COPS7B: variants seen among roughly 807,000 people sequenced by gnomAD.
COPS7B encodes the protein COP9 signalosome subunit 7B, also known as COP9 signalosome complex subunit 7b.
A neutral mutation model predicts 33.4 loss-of-function variants in COPS7B; 9 were observed. That is an observed-to-expected ratio of 0.27 (90% CI 0.16 to 0.47). The LOEUF is 0.47. Ranked by LOEUF, COPS7B falls within the 20% of genes least tolerant of loss-of-function variation. The pLI, the probability that COPS7B is intolerant of heterozygous loss-of-function variation, is 0.99. For missense variants in COPS7B, 242 were observed against 318.2 expected, an observed-to-expected ratio of 0.76 and a Z score of 1.82; for synonymous variants, 119 against 126.3, an observed-to-expected ratio of 0.94 and a Z score of 0.39.
In COPS7B at chr2:231,807,866, A is replaced by G. The variant is rs1002397080; in HGVS notation, c.*221A>G. The G allele has an allele frequency of 3.0e-5, 14 of 469,258 alleles. No homozygotes were observed. The highest frequency in any genetic ancestry group is 2.6e-4 in the East Asian group (7 of 27,120). 29.1% of individuals were successfully genotyped at this position (469,258 alleles called of 1,614,324 possible). ...CCCTTCAGACTCAGGGGCTCCACCA[A>G]TGCCATCCCAAAACAGGGTCAGACA... On this transcript the variant is annotated 3_prime_UTR_variant, in exon 7 of 7. Transcript: ENST00000350033.
chr2:231,805,360 G>A (rs1375848130), intron 6 of COPS7B, among the ~76,000 whole-genome samples: 2 of 150,446 alleles, frequency 1.3e-5, no homozygotes, highest in African/African-American at 4.9e-5. Flanking sequence ...ATTGTGTTTT[G>A]TTGTCTGGCA....
In COPS7B at chr2:231,807,811, C is replaced by A; in HGVS notation, c.*166C>A. On this transcript the variant is annotated 3_prime_UTR_variant, in exon 7 of 7. Coordinates refer to ENST00000350033, the MANE Select transcript of COPS7B (RefSeq NM_022730.4). ...CTGTTCCAGAAAAACTGTTACTCCC[C>A]CTCACCCACTCCCTCCTTCCCCAGT... is the stretch of plus-strand genomic sequence containing the variant. The A allele has an allele frequency of 1.7e-6, 1 of 595,026 alleles. No individual in the cohort carries two copies. Among genetic ancestry groups the A allele is most frequent in the Non-Finnish European group, 2.9e-6 (1 of 348,356 alleles). 36.9% of individuals were successfully genotyped at this position (595,026 alleles called of 1,614,324 possible).
chr2:231,806,612 C>T (rs2049902296), intron 6 of COPS7B, among the ~76,000 whole-genome samples: 1 of 152,004 alleles, frequency 6.6e-6, no homozygotes, highest in Admixed American at 6.6e-5. Context: ...ACTGTTCTTC[C>T]CTACCACCAC....
At chr2:231,797,465 C>G (rs1026629814) in intron 5 of COPS7B, among the ~76,000 whole-genome samples, 1 of 152,222 alleles carries the variant, frequency 6.6e-6, no homozygotes, top group Non-Finnish European at 1.5e-5. Flanking sequence ...CACACAAAAT[C>G]TAGTTTCTGA....
At chr2:231,803,968 G>A (rs1192634168) in intron 6 of COPS7B, among the ~76,000 whole-genome samples, 2 of 152,154 alleles carry the variant, frequency 1.3e-5, no homozygotes, top group Non-Finnish European at 2.9e-5. Flanking sequence ...TGGCTGGCAG[G>A]TCAGGGACTC....
In COPS7B at chr2:231,807,878, A is replaced by C; in HGVS notation, c.*233A>C. 2.2e-6 allele frequency: 1 copy of C among 454,268 alleles called. No homozygotes were observed. The allele number at this position is 454,268 out of a possible 1,614,324, so 28.1% of individuals were successfully genotyped here. On this transcript the variant is annotated 3_prime_UTR_variant, in exon 7 of 7. Coordinates refer to ENST00000350033, the MANE Select transcript of COPS7B (RefSeq NM_022730.4). ...AGGGGCTCCACCAATGCCATCCCAAAACAGGGTCAGACACTGCCCAGCTTC... is the reference window on the plus strand; with the variant it reads ...AGGGGCTCCACCAATGCCATCCCAACACAGGGTCAGACACTGCCCAGCTTC...
chr2:231,789,500 C>A, intron 2 of COPS7B: 1 of 153,238 alleles, frequency 6.5e-6, no homozygotes, highest in South Asian at 1.9e-4. Context: ...GGGCAGGTCC[C>A]CTTCCTCTTC....
At chr2:231,783,870 A>G (rs2049181408), upstream of COPS7B, among the ~76,000 whole-genome samples, 1 of 152,164 alleles carries the variant, frequency 6.6e-6, no homozygotes, top group African/African-American at 2.4e-5. Flanking sequence ...GCAAGTAGCT[A>G]TAGTAAGACT....
intron 3 of COPS7B, among the ~76,000 whole-genome samples, chr2:231,793,271 C>T (rs2049471599): frequency 6.6e-6 from 1 of 152,114 alleles, no homozygotes; most frequent in African/African-American, 2.4e-5. Flanking sequence ...TGTAACACTC[C>T]CAGAGGAATG....
intron 1 of COPS7B, 121 bp downstream of exon 1, chr2:231,786,659 G>A (rs2049253739): frequency 3.1e-6 from 1 of 326,776 alleles, no homozygotes; most frequent in Non-Finnish European, 4.4e-6. Flanking sequence ...CCCGCCTTGG[G>A]GAGCGCGTCC....
rs541712832 is a variant in COPS7B, at chr2:231,807,814, C to T, written c.*169C>T. The T allele has an allele frequency of 3.6e-5, 21 of 585,822 alleles. No homozygotes were observed. Among genetic ancestry groups the T allele is most frequent in the South Asian group, 1.3e-4 (6 of 44,506 alleles). 36.3% of individuals were successfully genotyped at this position (585,822 alleles called of 1,614,324 possible). A position where few individuals can be genotyped will look rare whatever the true frequency, so the allele number is the denominator to read the frequency against. ...TTCCAGAAAAACTGTTACTCCCCCT[C>T]ACCCACTCCCTCCTTCCCCAGTTGT... On this transcript the variant is annotated 3_prime_UTR_variant, in exon 7 of 7. Coordinates refer to ENST00000350033, the MANE Select transcript of COPS7B (RefSeq NM_022730.4).
At chr2:231,801,191 A>G (rs903184993) in intron 6 of COPS7B, 3 of 1,550,362 alleles carry the variant, frequency 1.9e-6, no homozygotes, top group Non-Finnish European at 1.7e-6. Flanking sequence ...GAATCTTATA[A>G]CAACAGCTTT....
chr2:231,798,766 T>G, intron 5 of COPS7B, 93 bp from the exon 6 acceptor site: 1 of 989,530 alleles, frequency 1.0e-6, no homozygotes. Context: ...CCCTGTAAGA[T>G]ACTGGGGAGA....
Position 231,788,690 on chromosome 2 carries a change from G to A in COPS7B, c.120G>A (p.Val40=), listed in dbSNP as rs2049322237. 3 of 1,614,200 alleles carry A rather than the reference G, an allele frequency of 1.9e-6. No individual in the cohort carries two copies. The highest frequency in any genetic ancestry group is 1.6e-4 in the Middle Eastern group (1 of 6,062). ...GCCAGGTCTTAGAGGCTCCCGGAGT[G>A]TATGTCTTTGGAGAACTTCTGGAGC... The part of the protein sequence containing the change: ...LISQVLEAPG[V]YVFGELLELA... The change falls in exon 2 of 7, where the codon GTG becomes GTA. Residue 40 remains valine, a synonymous_variant. Coordinates refer to ENST00000350033, the MANE Select transcript of COPS7B (RefSeq NM_022730.4).
intron 5 of COPS7B, among the ~76,000 whole-genome samples, chr2:231,797,493 G>A (rs143878561): frequency 6.6e-6 from 1 of 152,310 alleles, no homozygotes; most frequent in African/African-American, 2.4e-5. Flanking sequence ...AAAGTTGGCT[G>A]TCCTATTCTG....
intron 6 of COPS7B, chr2:231,801,064 T>C: frequency 8.3e-7 from 1 of 1,203,300 alleles, no homozygotes; most frequent in African/African-American, 1.5e-5. Flanking sequence ...TATGCCTCTG[T>C]TACCCTTGGC....
At chr2:231,797,230 C>T (rs1247050702) in intron 5 of COPS7B, among the ~76,000 whole-genome samples, 2 of 152,128 alleles carry the variant, frequency 1.3e-5, no homozygotes, top group Non-Finnish European at 2.9e-5. Flanking sequence ...AGCAGTGCCA[C>T]TTTGACTCCT....
At chr2:231,786,580 C>A (rs972479905) in intron 1 of COPS7B, 42 bp downstream of exon 1, 23 of 913,092 alleles carry the variant, frequency 2.5e-5, no homozygotes, top group Non-Finnish European at 3.0e-5. Flanking sequence ...GGCCGGCGCT[C>A]CAGGCTCGGC....
intron 3 of COPS7B, among the ~76,000 whole-genome samples, chr2:231,792,587 T>G (rs2049449254): frequency 6.6e-6 from 1 of 152,232 alleles, no homozygotes; most frequent in Non-Finnish European, 1.5e-5. Context: ...TTGTATTACA[T>G]AGGTACAACT....
Sources: gnomAD v4.1 joint callset for allele counts (sites outside exome capture counted in the v4.1 genomes callset) on GRCh38, gnomAD v4.1.1 for gene constraint, MANE v1.5 for transcripts, NCBI Gene and HGNC (gene_info 2026-07-23, HGNC 2026-07-21) for gene names.